SIM1: variants seen among roughly 807,000 people sequenced by gnomAD.
The protein encoded by SIM1 is single-minded homolog 1.
In SIM1, 18 loss-of-function variants were observed where a neutral mutation model predicts 78.2. The ratio of observed to expected loss-of-function variants is 0.23; its 90% CI spans 0.16 to 0.34. The LOEUF (loss-of-function observed/expected upper bound fraction) is 0.34, where lower values mean the gene tolerates loss of function less well. Among genes scored for constraint, SIM1 ranks in the 10% least tolerant of loss-of-function variants. The pLI, the probability that SIM1 is intolerant of heterozygous loss-of-function variation, is 1.00. For missense variants in SIM1, 939 were observed against 975.1 expected (o/e 0.96, Z 0.49); for synonymous variants, 417 against 385.2 (o/e 1.08, Z -0.97).
At chr6:100,452,798 G>C (rs1234844612) in intron 3 of SIM1, among the ~76,000 whole-genome samples, 3 of 152,200 alleles carry the variant, frequency 2.0e-5, no homozygotes, top group African/African-American at 7.2e-5. Context: ...GGCCACGTCA[G>C]TGAGAGAATG....
chr6:100,391,863 A>G lies in SIM1; in HGVS notation c.1571-772T>C, dbSNP rs147406545. On this transcript the variant is annotated intron_variant, in intron 11 of 11. Coordinates refer to ENST00000369208, the MANE Select transcript of SIM1 (RefSeq NM_005068.3). ...TCATATAGTAACTCAGTTACCTTAGATTGTTTTTGAAGTAAGGTAAAGAAT... is the reference window on the plus strand; with the variant it reads ...TCATATAGTAACTCAGTTACCTTAGGTTGTTTTTGAAGTAAGGTAAAGAAT... Among the ~76,000 whole-genome samples the G allele has an allele frequency of 3.4e-3, 511 of 152,210 alleles. 2 individuals carry two copies. The highest frequency in any genetic ancestry group is 0.012 in the African/African-American group (500 of 41,518).
Position 100,397,134 on chromosome 6 carries a change from T to C in SIM1, c.1168-3245A>G, listed in dbSNP as rs1172579294. On this transcript the variant is annotated intron_variant, in intron 10 of 11. Transcript: ENST00000369208. ...GTTATTGTGTAAATTATAATTTTACTATAAGGCCAATTTTCCCTCCAAGTA... is the reference window on the plus strand; with the variant it reads ...GTTATTGTGTAAATTATAATTTTACCATAAGGCCAATTTTCCCTCCAAGTA... 2.0e-5 allele frequency among the ~76,000 whole-genome samples: 3 copies of C among 152,242 alleles called. No homozygotes were observed. In the East Asian group the frequency reaches 5.8e-4, roughly 29 times the overall value.
intron 9 of SIM1, among the ~76,000 whole-genome samples, chr6:100,442,037 T>C (rs946162797): frequency 6.6e-6 from 1 of 152,204 alleles, no homozygotes; most frequent in Non-Finnish European, 1.5e-5. Context: ...TCAGCATATC[T>C]GAGCCTCAGT....
rs201820921 is a variant in SIM1 at position 100,393,659 on chromosome 6, G to A, written c.1398C>T (p.Ala466=). ...LVEERHFHTQ[A]CEGGRCEAGR... Reference sequence around the variant, plus strand: ...CTGCCTCACATCGGCCTCCTTCACAGGCCTGGGTATGGAAATGCCTCTCTT... The same window carrying A: ...CTGCCTCACATCGGCCTCCTTCACAAGCCTGGGTATGGAAATGCCTCTCTT... The change falls in exon 11 of 12, where the codon GCC becomes GCT. Residue 466 remains alanine (A), a synonymous_variant. Transcript: ENST00000369208. 64 of 1,614,100 alleles carry A rather than the reference G, an allele frequency of 4.0e-5. No individual in the cohort carries two copies. The East Asian group carries it at 1.2e-3, about 30-fold the overall frequency.
chr6:100,412,774 G>C (rs1771292167), intron 10 of SIM1, among the ~76,000 whole-genome samples: 1 of 149,096 alleles, frequency 6.7e-6, no homozygotes, highest in African/African-American at 2.5e-5. Flanking sequence ...AAAAAGAAAG[G>C]GAGAAAGAGA....
At chr6:100,405,308 G>A (rs1008547520) in intron 10 of SIM1, among the ~76,000 whole-genome samples, 3 of 151,852 alleles carry the variant, frequency 2.0e-5, no homozygotes, top group Admixed American at 2.0e-4. Context: ...CCAGAGTTGA[G>A]GATAATTTTG....
At chr6:100,439,239 T>C (rs1772142442) in intron 9 of SIM1, among the ~76,000 whole-genome samples, 1 of 152,220 alleles carries the variant, frequency 6.6e-6, no homozygotes, top group African/African-American at 2.4e-5. Context: ...AGAGTGATAC[T>C]AACAGTGTTA....
chr6:100,393,601 T>G lies in SIM1; in HGVS notation c.1456A>C (p.Arg486=). The G allele has an allele frequency of 6.2e-7, 1 of 1,614,054 alleles. No homozygotes were observed. Among genetic ancestry groups the G allele is most frequent in the Non-Finnish European group, 8.5e-7 (1 of 1,179,892 alleles). ...GCGCGAGAGCCCCACCAGGGCTCCC[T>G]CCCGGCCTGCGGCGTTCCCAGGAAG... ...RYFLGTPQAG[R]EPWWGSRAAL... Residue 486 remains arginine (R), a synonymous_variant, in exon 11 of 12, where the codon AGG becomes CGG. Coordinates refer to ENST00000369208, the MANE Select transcript of SIM1 (RefSeq NM_005068.3).
chr6:100,440,493 C>T (rs1772183198), intron 9 of SIM1, among the ~76,000 whole-genome samples: 1 of 152,240 alleles, frequency 6.6e-6, no homozygotes. Context: ...GTAACTTCTC[C>T]TTTCAGTTCC....
chr6:100,403,654 C>A (rs548319191), intron 10 of SIM1, among the ~76,000 whole-genome samples: 1 of 152,168 alleles, frequency 6.6e-6, no homozygotes, highest in African/African-American at 2.4e-5. Flanking sequence ...GAAAACATTA[C>A]TGTTTCCCTT....
intron 9 of SIM1, among the ~76,000 whole-genome samples, chr6:100,431,175 T>C (rs1490595037): frequency 6.6e-6 from 1 of 152,220 alleles, no homozygotes; most frequent in Non-Finnish European, 1.5e-5. Context: ...TGTTTTCAAA[T>C]GCACAAATCT....
At chr6:100,392,057 C>T (rs1037851436) in intron 11 of SIM1, among the ~76,000 whole-genome samples, 18 of 152,178 alleles carry the variant, frequency 1.2e-4, no homozygotes, top group African/African-American at 4.3e-4. Flanking sequence ...CCCTATAATC[C>T]CAGTTACTTG....
chr6:100,405,738 C>A (rs1554220220), intron 10 of SIM1, among the ~76,000 whole-genome samples: 3 of 152,018 alleles, frequency 2.0e-5, no homozygotes, highest in African/African-American at 7.2e-5. Flanking sequence ...CCCCACCCCC[C>A]AAAAAAAGTT....
intron 10 of SIM1, among the ~76,000 whole-genome samples, chr6:100,411,783 G>C (rs1047884101): frequency 2.0e-5 from 3 of 151,968 alleles, no homozygotes; most frequent in Non-Finnish European, 4.4e-5. Flanking sequence ...TCTAAATAGG[G>C]GTCCAAAGGA....
Position 100,447,541 on chromosome 6 carries a change from A to G in SIM1, c.851-126T>C, listed in dbSNP as rs180775288. 5.4e-4 allele frequency: 569 copies of G among 1,046,594 alleles called. 3 individuals carry two copies. The highest frequency in any genetic ancestry group is 4.0e-3 in the East Asian group (155 of 38,788). 64.8% of individuals were successfully genotyped at this position (1,046,594 alleles called of 1,614,324 possible). On this transcript the variant is annotated intron_variant, in intron 8 of 11. Coordinates refer to ENST00000369208, the MANE Select transcript of SIM1 (RefSeq NM_005068.3). The stretch of plus-strand genomic sequence containing the variant: ...CTAATAACTGCACCAGGCAGGAGAG[A>G]GAGAGAGACGACAGGCAAATTCCCA...
At chr6:100,398,782 C>T (rs770072632) in intron 10 of SIM1, among the ~76,000 whole-genome samples, 2 of 152,116 alleles carry the variant, frequency 1.3e-5, no homozygotes, top group South Asian at 4.2e-4. Context: ...GGGTATATTA[C>T]CAGAAATGGG....
At chr6:100,393,358 T>A (rs1582601208) in intron 11 of SIM1, 129 bp downstream of exon 11, 4 of 837,714 alleles carry the variant, frequency 4.8e-6, no homozygotes, top group Admixed American at 3.4e-5. Context: ...ACTTTGTTTT[T>A]AATCCCATTG....
At chr6:100,393,067 G>A (rs1185792154) in intron 11 of SIM1, among the ~76,000 whole-genome samples, 1 of 152,136 alleles carries the variant, frequency 6.6e-6, no homozygotes, top group Non-Finnish European at 1.5e-5. Flanking sequence ...ATAAAACAAA[G>A]ACTGGCCCTC....
Position 100,449,606 on chromosome 6 carries a change from A to G in SIM1, c.442T>C (p.Ser148Pro), listed in dbSNP as rs1409068968. 1.9e-6 allele frequency: 3 copies of G among 1,613,658 alleles called. No individual in the cohort carries two copies. The highest frequency in any genetic ancestry group is 1.1e-5 in the South Asian group (1 of 91,068). Residue 148 changes from serine to proline, a missense_variant, in exon 5 of 12, where the codon TCT becomes CCT. By Grantham distance (74) the Ser-to-Pro change is moderately conservative. This residue lies in a region of SIM1 where 187 missense variants were observed against 191.6 expected (regional missense o/e 0.98). Transcript: ENST00000369208. ...TCTACCTTACCCTGCACGAAGTGAG[A>G]GTGGTAGGGTTGATGGGCGGTGAGC... The part of the protein sequence containing the change: ...AVLTAHQPYH[S>P]HFVQEYEIER...
Sources: gnomAD v4.1 joint callset for allele counts (sites outside exome capture counted in the v4.1 genomes callset) on GRCh38, gnomAD v4.1.1 for gene constraint, gnomAD v4.1.1 regional missense constraint, MANE v1.5 for transcripts, NCBI Gene and HGNC (gene_info 2026-07-23, HGNC 2026-07-21) for gene names.